INSYN2A: variants seen among roughly 807,000 people sequenced by gnomAD.
INSYN2A encodes the protein family with sequence similarity 196 member A.
A neutral mutation model predicts 39.4 loss-of-function variants in INSYN2A; 17 were observed. The observed-to-expected ratio is 0.43, with a 90% CI of 0.30 to 0.65. The LOEUF (loss-of-function observed/expected upper bound fraction) is 0.65, where lower values mean the gene tolerates loss of function less well. Among genes scored for constraint, INSYN2A ranks in the 30% least tolerant of loss-of-function variants. The pLI, the probability that INSYN2A is intolerant of heterozygous loss-of-function variation, is 0.14. For synonymous variants in INSYN2A, 255 were observed against 265.7 expected (o/e 0.96, Z 0.39); for missense variants, 595 against 631.2 (o/e 0.94, Z 0.61).
intron 5 of INSYN2A, among the ~76,000 whole-genome samples, chr10:127,145,250 AG>A (rs1424230893): frequency 2.0e-5 from 3 of 152,132 alleles, no homozygotes; most frequent in Non-Finnish European, 4.4e-5. Flanking sequence ...CGAGGAGCAG[AG>A]GCAGACCCAA....
chr10:127,146,110 C>G (rs1431579822), intron 5 of INSYN2A: 1 of 503,434 alleles, frequency 2.0e-6, no homozygotes, highest in African/African-American at 2.0e-5. Context: ...CTCATCTAAA[C>G]ATGAATTATC....
At chr10:127,148,866 A>C (rs2133421600) in intron 5 of INSYN2A, among the ~76,000 whole-genome samples, 1 of 152,350 alleles carries the variant, frequency 6.6e-6, no homozygotes, top group Non-Finnish European at 1.5e-5. Context: ...GGTTTTAATT[A>C]GAGTAGCACA....
At chr10:127,163,963 C>G (rs1307158888) in intron 4 of INSYN2A, among the ~76,000 whole-genome samples, 1 of 151,816 alleles carries the variant, frequency 6.6e-6, no homozygotes, top group African/African-American at 2.4e-5. Flanking sequence ...TGGGGAGGCT[C>G]TGGCTGTTAG....
At chr10:127,166,407 A>G (rs1203227514) in intron 4 of INSYN2A, among the ~76,000 whole-genome samples, 2 of 152,144 alleles carry the variant, frequency 1.3e-5, no homozygotes, top group African/African-American at 4.8e-5. Flanking sequence ...TTGGTTCCCC[A>G]TTTTCAGGGG....
At position 127,192,497 on chromosome 10, in the gene INSYN2A, C is replaced by T. The variant is rs551444599; in HGVS notation, c.-269+108G>A. 4 of 152,324 alleles carry T rather than the reference C, an allele frequency of 2.6e-5. No homozygotes were observed. The South Asian group carries it at 8.3e-4, about 32-fold the overall frequency. The allele number at this position is 152,324 out of a possible 1,614,324, so 9.4% of individuals were successfully genotyped here. ...TTTTATTCAGGTAGTGATTTGTCAT[C>T]TGATAACATCTTTATACACCTCAAA... is the stretch of plus-strand genomic sequence containing the variant. On this transcript the variant is annotated intron_variant, in intron 2 of 5. Coordinates refer to ENST00000522781, the MANE Select transcript of INSYN2A (RefSeq NM_001039762.3).
intron 2 of INSYN2A, among the ~76,000 whole-genome samples, chr10:127,188,744 G>T (rs956181969): frequency 1.3e-5 from 2 of 152,214 alleles, no homozygotes; most frequent in Non-Finnish European, 2.9e-5. Context: ...ATCAGAAAAG[G>T]TAACACTTGT....
At chr10:127,149,829 C>T (rs549407085) in intron 5 of INSYN2A, among the ~76,000 whole-genome samples, 6 of 152,252 alleles carry the variant, frequency 3.9e-5, no homozygotes, top group South Asian at 2.1e-4. Flanking sequence ...TACCCAATCC[C>T]GGGGTGTTCC....
chr10:127,173,094 A>G (rs1206276550), intron 4 of INSYN2A, among the ~76,000 whole-genome samples: 5 of 152,146 alleles, frequency 3.3e-5, no homozygotes, highest in Admixed American at 6.5e-5. Context: ...TTGGACGCCC[A>G]CAAGACCACT....
At chr10:127,194,964 ACAG>A (rs2057004393) in intron 1 of INSYN2A, among the ~76,000 whole-genome samples, 1 of 152,178 alleles carries the variant, frequency 6.6e-6, no homozygotes, top group South Asian at 2.1e-4. Context: ...GCACAGACCA[ACAG>A]CAGGAGAGGG....
intron 4 of INSYN2A, among the ~76,000 whole-genome samples, chr10:127,161,607 G>A (rs890458703): frequency 3.9e-5 from 6 of 152,266 alleles, no homozygotes; most frequent in South Asian, 2.1e-4. Flanking sequence ...TTGGGATGTC[G>A]AACAGGGGTG....
At chr10:127,178,492 G>T (rs1589799591) in intron 2 of INSYN2A, among the ~76,000 whole-genome samples, 1 of 152,290 alleles carries the variant, frequency 6.6e-6, no homozygotes, top group East Asian at 1.9e-4. Context: ...AATGTCTCCA[G>T]CCATTACCAG....
At chr10:127,183,619 C>T (rs1423938234) in intron 2 of INSYN2A, among the ~76,000 whole-genome samples, 2 of 152,176 alleles carry the variant, frequency 1.3e-5, no homozygotes, top group Non-Finnish European at 2.9e-5. Flanking sequence ...GTAATCTTCT[C>T]GGCCCTCATA....
At chr10:127,151,903 C>T (rs2052527361) in intron 5 of INSYN2A, among the ~76,000 whole-genome samples, 1 of 152,282 alleles carries the variant, frequency 6.6e-6, no homozygotes, top group South Asian at 2.1e-4. Flanking sequence ...GATTTCTGTC[C>T]TTCAGAGACT....
chr10:127,190,147 A>G (rs756792793), intron 2 of INSYN2A, among the ~76,000 whole-genome samples: 2 of 152,236 alleles, frequency 1.3e-5, no homozygotes, highest in Admixed American at 6.5e-5. Flanking sequence ...CACCAAATTC[A>G]AAGACATTCT....
intron 2 of INSYN2A, 87 bp downstream of exon 2, chr10:127,192,518 T>G (rs2056830277): frequency 6.6e-6 from 1 of 152,224 alleles, no homozygotes; most frequent in Non-Finnish European, 1.5e-5. Context: ...TTTATACACC[T>G]CAAAGTCCCT....
chr10:127,157,711 A>G (rs1490575243), intron 4 of INSYN2A, among the ~76,000 whole-genome samples: 2 of 152,152 alleles, frequency 1.3e-5, no homozygotes, highest in African/African-American at 4.8e-5. Context: ...GTTTCTAAAT[A>G]TATGTATGTT....
At chr10:127,174,850 CTCT>C (rs1158980724) in intron 4 of INSYN2A, among the ~76,000 whole-genome samples, 4 of 152,188 alleles carry the variant, frequency 2.6e-5, no homozygotes, top group African/African-American at 4.8e-5. Context: ...CTTCCTGATT[CTCT>C]TCTTATTTAG....
At chr10:127,195,709 G>T (rs1451177433) in intron 1 of INSYN2A, among the ~76,000 whole-genome samples, 4 of 152,220 alleles carry the variant, frequency 2.6e-5, no homozygotes, top group Admixed American at 6.5e-5. Context: ...CAGAGGCGCA[G>T]CCCCGCTCCT....
In INSYN2A at chr10:127,179,908, T is replaced by G. The variant is rs1228285313; in HGVS notation, c.-268-2769A>C. Among the ~76,000 whole-genome samples the G allele has an allele frequency of 2.0e-5, 3 of 152,224 alleles. No homozygotes were observed. In the East Asian group the frequency reaches 5.8e-4, roughly 29 times the overall value. ...ATGCATAGCAGTTGTGTTTTCTAGA[T>G]TTGATCCTCATCATATCCTTACAAG... On this transcript the variant is annotated intron_variant, in intron 2 of 5. Transcript: ENST00000522781.
Sources: gnomAD v4.1 joint callset for allele counts (sites outside exome capture counted in the v4.1 genomes callset) on GRCh38, gnomAD v4.1.1 for gene constraint, MANE v1.5 for transcripts, NCBI Gene and HGNC (gene_info 2026-07-23, HGNC 2026-07-21) for gene names.